The following CAST variants were observed in gnomAD, a reference collection of about 807,000 sequenced individuals.
CAST encodes the protein MIR583 host.
Under a neutral mutation model 119.6 loss-of-function variants are expected in CAST, and 76 were observed. The observed-to-expected ratio is 0.64, with a 90% confidence interval of 0.53 to 0.77. The LOEUF (loss-of-function observed/expected upper bound fraction) is 0.77, where lower values mean the gene tolerates loss of function less well. Among genes scored for constraint, CAST ranks in the 30% least tolerant of loss-of-function variants. The pLI, the probability that CAST is intolerant of heterozygous loss-of-function variation, is 0.00. For synonymous variants in CAST, 319 were observed against 331.6 expected, an observed-to-expected ratio of 0.96 and a Z score of 0.41; for missense variants, 953 against 946.5, an observed-to-expected ratio of 1.01 and a Z score of -0.09.
the CAST span, among the ~76,000 whole-genome samples, chr5:96,486,492 C>T: frequency 1.3e-5 from 2 of 152,132 alleles, no homozygotes; most frequent in African/African-American, 4.8e-5. Context: ...AACAACCAAA[C>T]CCTGCATGAG....
intron 2 of CAST, among the ~76,000 whole-genome samples, chr5:96,695,111 C>T (rs1358859563): frequency 3.3e-5 from 5 of 152,214 alleles, no homozygotes; most frequent in African/African-American, 1.2e-4. Context: ...CTTTTACTAA[C>T]TGTCACCATG....
the CAST span, among the ~76,000 whole-genome samples, chr5:96,373,984 G>GA: frequency 7.2e-5 from 11 of 152,260 alleles, no homozygotes; most frequent in South Asian, 2.3e-3. Context: ...TGAAAGACGT[G>GA]ATGTTTTGCC....
At chr5:96,751,510 C>G (rs1371243469) in intron 20 of CAST, among the ~76,000 whole-genome samples, 2 of 152,146 alleles carry the variant, frequency 1.3e-5, no homozygotes, top group Non-Finnish European at 2.9e-5. Flanking sequence ...AGATATGGCC[C>G]CTGCTCTCAG....
intron 1 of CAST, among the ~76,000 whole-genome samples, chr5:96,551,219 T>G (rs1356641954): frequency 1.3e-5 from 2 of 152,254 alleles, no homozygotes; most frequent in Admixed American, 6.5e-5. Context: ...AGCAGATCTC[T>G]CTGCAGAAAC....
chr5:96,039,640 T>A, the CAST span, among the ~76,000 whole-genome samples: 1,215 of 152,206 alleles, frequency 8.0e-3, 19 homozygotes, highest in African/African-American at 0.028. Context: ...ATCTTTTCCC[T>A]ATTGCTTGTG....
chr5:96,028,434 C>T, the CAST span, among the ~76,000 whole-genome samples: 5 of 151,844 alleles, frequency 3.3e-5, no homozygotes, highest in African/African-American at 1.2e-4. Flanking sequence ...AATATTCAGC[C>T]AAGCTTAATG....
chr5:96,324,913 G>C, the CAST span, among the ~76,000 whole-genome samples: 10 of 152,054 alleles, frequency 6.6e-5, no homozygotes, highest in Non-Finnish European at 1.5e-4. Context: ...ATAAGAAATG[G>C]TTGATTGGTT....
chr5:96,367,102 T>G, the CAST span, among the ~76,000 whole-genome samples: 1 of 152,230 alleles, frequency 6.6e-6, no homozygotes, highest in Non-Finnish European at 1.5e-5. Flanking sequence ...GCTCCAGACC[T>G]GTTTGCCTGG....
the CAST span, among the ~76,000 whole-genome samples, chr5:96,016,982 G>A: frequency 2.6e-5 from 4 of 151,938 alleles, no homozygotes; most frequent in South Asian, 4.2e-4. Flanking sequence ...GACTACAGGC[G>A]CCTGCCACCA....
intron 16 of CAST, 48 bp from the exon 17 acceptor site, chr5:96,746,294 T>C (rs1414716406): frequency 9.9e-7 from 1 of 1,007,208 alleles, no homozygotes; most frequent in South Asian, 1.3e-5. Flanking sequence ...TATCATCTCA[T>C]TATGTGCATT....
chr5:96,491,999 A>G, the CAST span, among the ~76,000 whole-genome samples: 1 of 152,238 alleles, frequency 6.6e-6, no homozygotes, highest in Non-Finnish European at 1.5e-5. Flanking sequence ...GCTAATAACT[A>G]GAAGAAGGCA....
At chr5:96,338,854 A>G in the CAST span, among the ~76,000 whole-genome samples, 1 of 152,038 alleles carries the variant, frequency 6.6e-6, no homozygotes, top group Non-Finnish European at 1.5e-5. Context: ...TGGCAAGGCT[A>G]CTTCTCATGT....
chr5:96,097,057 A>C, the CAST span, among the ~76,000 whole-genome samples: 10 of 152,196 alleles, frequency 6.6e-5, no homozygotes, highest in African/African-American at 2.2e-4. Context: ...GGACCCAGGA[A>C]TATGTCTTAA....
At chr5:96,354,066 T>C in the CAST span, among the ~76,000 whole-genome samples, 1 of 152,172 alleles carries the variant, frequency 6.6e-6, no homozygotes, top group Non-Finnish European at 1.5e-5. Flanking sequence ...TATTCCACAT[T>C]CAATACATTG....
chr5:96,310,504 C>T, the CAST span, among the ~76,000 whole-genome samples: 2 of 151,090 alleles, frequency 1.3e-5, no homozygotes, highest in Admixed American at 6.6e-5. Context: ...GGAGAATTGA[C>T]ATTAGTTATT....
At chr5:96,225,624 C>G in the CAST span, among the ~76,000 whole-genome samples, 1 of 152,116 alleles carries the variant, frequency 6.6e-6, no homozygotes, top group Admixed American at 6.5e-5. Context: ...CTTATACCCA[C>G]CTTACTAATG....
the CAST span, among the ~76,000 whole-genome samples, chr5:96,461,742 C>T: frequency 6.6e-6 from 1 of 152,114 alleles, no homozygotes. Context: ...CCCTTCTCAA[C>T]CATTAGTCAG....
chr5:96,450,591 A>C, the CAST span, among the ~76,000 whole-genome samples: 16 of 152,332 alleles, frequency 1.1e-4, no homozygotes, highest in Non-Finnish European at 1.5e-4. Flanking sequence ...AACCCATATA[A>C]ATAAGTAAAT....
chr5:96,344,979 T>C, the CAST span, among the ~76,000 whole-genome samples: 1 of 152,212 alleles, frequency 6.6e-6, no homozygotes, highest in South Asian at 2.1e-4. Context: ...AGTCTTGCCT[T>C]GTTCCCTTCT....
Sources: gnomAD v4.1 joint callset for allele counts (sites outside exome capture counted in the v4.1 genomes callset) on GRCh38, gnomAD v4.1.1 for gene constraint, MANE v1.5 for transcripts, NCBI Gene and HGNC (gene_info 2026-07-23, HGNC 2026-07-21) for gene names.